TRPS1: variants seen among roughly 807,000 people sequenced by gnomAD.
TRPS1 encodes the protein transcriptional repressor GATA binding 1, also known as zinc finger transcription factor Trps1.
In TRPS1, 6 loss-of-function variants were observed where a neutral mutation model predicts 101.2. The observed-to-expected ratio is 0.06, with a 90% CI of 0.03 to 0.12. The LOEUF is 0.12. Ranked by LOEUF, TRPS1 falls within the 10% of genes least tolerant of loss-of-function variation. TRPS1 has a pLI of 1.00. For synonymous variants in TRPS1, 578 were observed against 589.8 expected, an observed-to-expected ratio of 0.98 and a Z score of 0.29; for missense variants, 1,363 against 1,567.0, an observed-to-expected ratio of 0.87 and a Z score of 2.20.
chr8:115,634,640 G>GC, intron 1 of TRPS1, among the ~76,000 whole-genome samples: 1 of 152,184 alleles, frequency 6.6e-6, no homozygotes, highest in East Asian at 1.9e-4. Context: ...TATTGAGCCT[G>GC]CAAACCAGGG....
intron 5 of TRPS1, among the ~76,000 whole-genome samples, chr8:115,582,560 G>A (rs572720789): frequency 2.6e-5 from 4 of 152,066 alleles, no homozygotes; most frequent in Non-Finnish European, 5.9e-5. Flanking sequence ...CCTGACAAAC[G>A]TTAATTAACT....
At chr8:115,662,068 A>G (rs1811810734) in intron 1 of TRPS1, among the ~76,000 whole-genome samples, 1 of 152,080 alleles carries the variant, frequency 6.6e-6, no homozygotes, top group Non-Finnish European at 1.5e-5. Flanking sequence ...TTAAGTTCCT[A>G]AAGTTTTTCC....
chr8:115,588,700 C>T (rs375364815), intron 4 of TRPS1, among the ~76,000 whole-genome samples: 3 of 152,176 alleles, frequency 2.0e-5, no homozygotes, highest in African/African-American at 7.2e-5. Flanking sequence ...ATCAGGGAAA[C>T]ACTTTCTACT....
At chr8:115,463,282 C>G (rs1814233960) in intron 5 of TRPS1, among the ~76,000 whole-genome samples, 1 of 152,016 alleles carries the variant, frequency 6.6e-6, no homozygotes, top group African/African-American at 2.4e-5. Flanking sequence ...CATAAGCTCT[C>G]CTAAAAACAA....
chr8:115,423,802 C>T (rs1813126131), intron 5 of TRPS1, among the ~76,000 whole-genome samples: 1 of 152,096 alleles, frequency 6.6e-6, no homozygotes, highest in South Asian at 2.1e-4. Context: ...TTAGGAAACC[C>T]AGATATGACT....
intron 5 of TRPS1, among the ~76,000 whole-genome samples, chr8:115,507,753 T>C (rs7836505): frequency 0.016 from 2,382 of 152,220 alleles, 50 homozygotes; most frequent in African/African-American, 0.054. Flanking sequence ...ACCTCAACCA[T>C]TGAACAAGCA....
intron 5 of TRPS1, among the ~76,000 whole-genome samples, chr8:115,472,625 G>C (rs1179623484): frequency 6.6e-6 from 1 of 152,158 alleles, no homozygotes; most frequent in East Asian, 1.9e-4. Context: ...GCATTGTCAG[G>C]CTGCAAATTT....
chr8:115,578,193 A>G (rs1367969683), intron 5 of TRPS1, among the ~76,000 whole-genome samples: 1 of 152,156 alleles, frequency 6.6e-6, no homozygotes, highest in East Asian at 1.9e-4. Context: ...CTTTTCTCCT[A>G]ATTTTTTGAA....
At chr8:115,421,820 G>A (rs982575263) in intron 5 of TRPS1, among the ~76,000 whole-genome samples, 1 of 152,130 alleles carries the variant, frequency 6.6e-6, no homozygotes, top group Non-Finnish European at 1.5e-5. Context: ...GTCACACTGT[G>A]TACAATGTAA....
intron 5 of TRPS1, among the ~76,000 whole-genome samples, chr8:115,537,073 T>C (rs1486783765): frequency 6.6e-6 from 1 of 152,086 alleles, no homozygotes; most frequent in Admixed American, 6.6e-5. Flanking sequence ...CCCTGTCTCT[T>C]CACTCTGGTT....
At chr8:115,449,290 TA>T (rs771893132) in intron 5 of TRPS1, among the ~76,000 whole-genome samples, 9 of 151,180 alleles carry the variant, frequency 6.0e-5, no homozygotes, top group Non-Finnish European at 1.2e-4. Flanking sequence ...TCCAGTTCTC[TA>T]AAAAAAAAGA....
intron 1 of TRPS1, among the ~76,000 whole-genome samples, chr8:115,625,770 A>T (rs1474768692): frequency 1.3e-5 from 2 of 151,940 alleles, no homozygotes. Flanking sequence ...ACACACACAC[A>T]TCACATTCTG....
chr8:115,450,014 C>T (rs1813829688), intron 5 of TRPS1, among the ~76,000 whole-genome samples: 2 of 149,630 alleles, frequency 1.3e-5, no homozygotes, highest in African/African-American at 4.9e-5. Context: ...GAGGAAAATA[C>T]TTGGAAGAGG....
At chr8:115,489,243 T>C (rs1417951029) in intron 5 of TRPS1, among the ~76,000 whole-genome samples, 4 of 152,196 alleles carry the variant, frequency 2.6e-5, no homozygotes, top group Admixed American at 6.5e-5. Context: ...TGGGAACATA[T>C]TGTCTTATTT....
At chr8:115,648,842 CT>C (rs565697259) in intron 1 of TRPS1, among the ~76,000 whole-genome samples, 37 of 147,696 alleles carry the variant, frequency 2.5e-4, no homozygotes, top group South Asian at 8.6e-4. Context: ...ACCACGCTTT[CT>C]TTTTTTTTTT....
intron 5 of TRPS1, among the ~76,000 whole-genome samples, chr8:115,571,934 C>A (rs185220955): frequency 6.6e-6 from 1 of 151,588 alleles, no homozygotes; most frequent in Non-Finnish European, 1.5e-5. Flanking sequence ...TCTGAATAAA[C>A]GCTATTTACA....
At chr8:115,599,317 T>C (rs147422185) in intron 4 of TRPS1, among the ~76,000 whole-genome samples, 156 of 152,226 alleles carry the variant, frequency 1.0e-3, no homozygotes, top group African/African-American at 3.6e-3. Flanking sequence ...AATTTTTTGG[T>C]GATCTTGATT....
chr8:115,434,328 T>C (rs567188284), intron 5 of TRPS1, among the ~76,000 whole-genome samples: 2 of 152,164 alleles, frequency 1.3e-5, no homozygotes, highest in Non-Finnish European at 2.9e-5. Context: ...CAATATTCAT[T>C]TAAAACAGAG....
rs965064569 is a variant in TRPS1 at position 115,573,752 on chromosome 8, C to A, written c.2700+13249G>T. Among the ~76,000 whole-genome samples, 85 of 152,248 alleles carry A rather than the reference C, an allele frequency of 5.6e-4. 1 individual carries two copies. The highest frequency in any genetic ancestry group is 1.8e-3 in the African/African-American group (74 of 41,550). On this transcript the variant is annotated intron_variant, in intron 5 of 6. Coordinates refer to ENST00000395715, the MANE Select transcript of TRPS1 (RefSeq NM_014112.5). Reference sequence around the variant, plus strand: ...TAGAAAATTATCCTAACCTTTATGTCAAGTCTTAGCTCCCCATACTATACT... The same window carrying A: ...TAGAAAATTATCCTAACCTTTATGTAAAGTCTTAGCTCCCCATACTATACT...
Sources: gnomAD v4.1 joint callset for allele counts (sites outside exome capture counted in the v4.1 genomes callset) on GRCh38, gnomAD v4.1.1 for gene constraint, MANE v1.5 for transcripts, NCBI Gene and HGNC (gene_info 2026-07-23, HGNC 2026-07-21) for gene names.